The following PIK3C2A variants were observed in gnomAD, a reference collection of about 807,000 sequenced individuals.
The protein encoded by PIK3C2A is phosphatidylinositol-4-phosphate 3-kinase catalytic subunit type 2 alpha, also known as phosphatidylinositol 4-phosphate 3-kinase C2 domain-containing subunit alpha.
A neutral mutation model predicts 204.5 loss-of-function variants in PIK3C2A; 97 were observed. The ratio of observed to expected loss-of-function variants is 0.47; its 90% CI spans 0.40 to 0.56. The LOEUF (loss-of-function observed/expected upper bound fraction) is 0.56. Among genes scored for constraint, PIK3C2A ranks in the 20% least tolerant of loss-of-function variants. PIK3C2A has a pLI of 0.00. For synonymous variants in PIK3C2A, 653 were observed against 664.4 expected (o/e 0.98, Z 0.26); for missense variants, 1,735 against 1,969.2 (o/e 0.88, Z 2.25).
chr11:17,097,162 G>A lies in PIK3C2A; in HGVS notation c.4221C>T (p.Pro1407=). 1 of 1,610,578 alleles carries A rather than the reference G, an allele frequency of 6.2e-7. No homozygotes were observed. Among genetic ancestry groups the A allele is most frequent in the East Asian group, 2.2e-5 (1 of 44,820 alleles). Residue 1407 remains proline (P), a synonymous_variant, in exon 27 of 33, where the codon CCC becomes CCT. Transcript: ENST00000691414. The part of the protein sequence containing the change: ...RFSGLPSNDE[P]ILSFSPKTYS... ...ATGTTTTAGGTGAAAATGAAAGGAT[G>A]GGCTCATCATTAGAAGGAAGACCAG...
At chr11:17,133,762 T>C (rs926612142) in intron 11 of PIK3C2A, among the ~76,000 whole-genome samples, 1 of 152,124 alleles carries the variant, frequency 6.6e-6, no homozygotes, top group East Asian at 1.9e-4. Context: ...ATCTCGTCTC[T>C]ACTAAAAATA....
At chr11:17,095,819 G>A (rs991843707) in intron 27 of PIK3C2A, among the ~76,000 whole-genome samples, 3 of 150,804 alleles carry the variant, frequency 2.0e-5, no homozygotes, top group African/African-American at 7.3e-5. Flanking sequence ...TTCAGGAGCT[G>A]AGGCATGAGA....
At position 17,086,915 on chromosome 11, in the gene PIK3C2A, A is replaced by C. The variant is rs1010536608; in HGVS notation, c.*2823T>G. ...GCAACTAATTTAAGGCAAGATATTGAAACTTTTATACAACTTTAATTTGAA... is the reference window on the plus strand; with the variant it reads ...GCAACTAATTTAAGGCAAGATATTGCAACTTTTATACAACTTTAATTTGAA... On this transcript the variant is annotated 3_prime_UTR_variant, in exon 33 of 33. Coordinates refer to ENST00000691414, the MANE Select transcript of PIK3C2A (RefSeq NM_002645.4). 1.3e-5 allele frequency: 2 copies of C among 152,208 alleles called. No individual in the cohort carries two copies. The highest frequency in any genetic ancestry group is 2.4e-5 in the African/African-American group (1 of 41,456). 9.4% of individuals were successfully genotyped at this position (152,208 alleles called of 1,614,324 possible). A position where few individuals can be genotyped will look rare whatever the true frequency, so the allele number is the denominator to read the frequency against.
chr11:17,107,979 C>G (rs1848882100), intron 22 of PIK3C2A, among the ~76,000 whole-genome samples: 1 of 152,240 alleles, frequency 6.6e-6, no homozygotes, highest in African/African-American at 2.4e-5. Flanking sequence ...TCAAGTGATT[C>G]TAGTGCCTGA....
intron 8 of PIK3C2A, among the ~76,000 whole-genome samples, chr11:17,140,460 T>C (rs1323428327): frequency 6.6e-6 from 1 of 152,170 alleles, no homozygotes; most frequent in Admixed American, 6.5e-5. Context: ...TAGCCTGGAA[T>C]ATTTTTCAGC....
chr11:17,197,273 G>A (rs1852194419), intron 1 of PIK3C2A, among the ~76,000 whole-genome samples: 1 of 152,116 alleles, frequency 6.6e-6, no homozygotes, highest in East Asian at 1.9e-4. Context: ...ACCCACCTCA[G>A]CTTCCCAAAG....
At position 17,201,298 on chromosome 11, in the gene PIK3C2A, G is replaced by A. The variant is rs1591031227; in HGVS notation, c.-66+6550C>T. Among the ~76,000 whole-genome samples, 3 of 152,052 alleles carry A rather than the reference G, an allele frequency of 2.0e-5. No individual in the cohort carries two copies. In the East Asian group the frequency reaches 5.8e-4, roughly 29 times the overall value. ...CATCCCAGCACTTCAGGAGGCCGAG[G>A]CAGGCAGATCATGAGGTCAAAAGAT... On this transcript the variant is annotated intron_variant, in intron 1 of 32. Transcript: ENST00000691414.
chr11:17,197,024 C>T (rs1033754695), intron 1 of PIK3C2A, among the ~76,000 whole-genome samples: 1 of 151,986 alleles, frequency 6.6e-6, no homozygotes, highest in Non-Finnish European at 1.5e-5. Flanking sequence ...CCTGGCCAGG[C>T]ACGGGGCCTC....
At chr11:17,117,708 GT>G (rs35485246) in intron 18 of PIK3C2A, 37 bp from the exon 19 acceptor site, 21,797 of 316,956 alleles carry the variant, frequency 0.069, no homozygotes, top group East Asian at 0.1. Flanking sequence ...TCACGTCTTG[GT>G]TTTTTTTTTT....
At chr11:17,155,960 C>A (rs1399995071) in intron 2 of PIK3C2A, among the ~76,000 whole-genome samples, 1 of 152,124 alleles carries the variant, frequency 6.6e-6, no homozygotes, top group Non-Finnish European at 1.5e-5. Flanking sequence ...AAAGGACTCT[C>A]TGTTTTAAGA....
In PIK3C2A at chr11:17,169,763, T is replaced by C; in HGVS notation, c.-22A>G. 6.6e-7 allele frequency: 1 copy of C among 1,516,922 alleles called. No individual in the cohort carries two copies. The highest frequency in any genetic ancestry group is 8.8e-7 in the Non-Finnish European group (1 of 1,132,302). The allele number at this position is 1,516,922 out of a possible 1,614,324, so 94.0% of individuals were successfully genotyped here. A position where few individuals can be genotyped will look rare whatever the true frequency, so the allele number is the denominator to read the frequency against. On this transcript the variant is annotated 5_prime_UTR_variant, in exon 2 of 33. Coordinates refer to ENST00000691414, the MANE Select transcript of PIK3C2A (RefSeq NM_002645.4). ...CCATGTCCACTAAAAAGACCAAACC[T>C]TCCTTCCTCTATTTTTTTCTTGTAG...
chr11:17,089,703 CTG>C lies in PIK3C2A; in HGVS notation c.*33_*34del. 2.1e-6 allele frequency: 3 copies of C among 1,447,360 alleles called. No individual in the cohort carries two copies. The highest frequency in any genetic ancestry group is 2.3e-5 in the East Asian group (1 of 43,806). The allele number at this position is 1,447,360 out of a possible 1,614,324, so 89.7% of individuals were successfully genotyped here. On this transcript the variant is annotated 3_prime_UTR_variant, in exon 33 of 33. Transcript: ENST00000691414. ...TGCATGTATGCATGCACGTTTATAA[CTG>C]TTCATGCTTCCAAAGCTCAAACATT...
chr11:17,146,104 C>T (rs1018434548), intron 6 of PIK3C2A, among the ~76,000 whole-genome samples, 162 bp from the exon 7 acceptor site: 2 of 151,940 alleles, frequency 1.3e-5, no homozygotes, highest in South Asian at 2.1e-4. Context: ...GTAACTGACT[C>T]AGAAAAAAAG....
intron 1 of PIK3C2A, among the ~76,000 whole-genome samples, chr11:17,184,396 C>CTTG (rs1439134384): frequency 6.6e-6 from 1 of 151,842 alleles, no homozygotes; most frequent in Non-Finnish European, 1.5e-5. Flanking sequence ...TTATCCTGAC[C>CTTG]TTGTGTAGGC....
Position 17,087,108 on chromosome 11 carries a change from GAAGA to G in PIK3C2A, c.*2626_*2629del, listed in dbSNP as rs1217830448. On this transcript the variant is annotated 3_prime_UTR_variant, in exon 33 of 33. Transcript: ENST00000691414. ...TCTTCAAATCCCAAAACACTGGCAA[GAAGA>G]AATAATTCTTCTGATGCAGGACAAC... 2.0e-5 allele frequency: 3 copies of G among 152,122 alleles called. No homozygotes were observed. The highest frequency in any genetic ancestry group is 4.4e-5 in the Non-Finnish European group (3 of 68,002). The allele number at this position is 152,122 out of a possible 1,614,324, so 9.4% of individuals were successfully genotyped here. A position where few individuals can be genotyped will look rare whatever the true frequency, so the allele number is the denominator to read the frequency against.
intron 1 of PIK3C2A, among the ~76,000 whole-genome samples, chr11:17,192,452 T>C (rs2137554507): frequency 6.6e-6 from 1 of 152,302 alleles, no homozygotes. Context: ...AAAAGAACTG[T>C]ATTTTTTGTA....
intron 22 of PIK3C2A, among the ~76,000 whole-genome samples, 197 bp from the exon 23 acceptor site, chr11:17,105,502 GC>G (rs1265767222): frequency 1.3e-5 from 2 of 152,146 alleles, no homozygotes; most frequent in Non-Finnish European, 2.9e-5. Flanking sequence ...TAGGTTTTAA[GC>G]CCCGCATACA....
chr11:17,144,008 A>G (rs1164493833), intron 8 of PIK3C2A, among the ~76,000 whole-genome samples: 1 of 152,126 alleles, frequency 6.6e-6, no homozygotes, highest in African/African-American at 2.4e-5. Flanking sequence ...TAATTTACAA[A>G]TTAGAAAGTA....
At chr11:17,152,656 C>T (rs2137440331) in intron 3 of PIK3C2A, among the ~76,000 whole-genome samples, 1 of 152,148 alleles carries the variant, frequency 6.6e-6, no homozygotes, top group East Asian at 1.9e-4. Context: ...TTCTACTTCC[C>T]TATCACCCAA....
Sources: gnomAD v4.1 joint callset for allele counts (sites outside exome capture counted in the v4.1 genomes callset) on GRCh38, gnomAD v4.1.1 for gene constraint, MANE v1.5 for transcripts, NCBI Gene and HGNC (gene_info 2026-07-23, HGNC 2026-07-21) for gene names.